The following DGKD variants were observed in gnomAD, a reference collection of about 807,000 sequenced individuals.
The protein encoded by DGKD is diacylglycerol kinase delta, also known as DAG kinase delta.
DGKD carries 68 observed loss-of-function variants against 154.4 expected under a neutral mutation model. The ratio of observed to expected loss-of-function variants is 0.44; its 90% CI spans 0.36 to 0.54. The LOEUF (loss-of-function observed/expected upper bound fraction) is 0.54. Among genes scored for constraint, DGKD ranks in the 20% least tolerant of loss-of-function variants. The pLI is 0.00. For missense variants in DGKD, 1,343 were observed against 1,593.6 expected (o/e 0.84, Z 2.68); for synonymous variants, 693 against 638.0 (o/e 1.09, Z -1.30).
intron 26 of DGKD, 39 bp from the exon 27 acceptor site, chr2:233,464,125 C>T: frequency 6.2e-7 from 1 of 1,612,678 alleles, no homozygotes; most frequent in South Asian, 1.1e-5. Context: ...CAGCAGTGCA[C>T]ACTCTCCATT....
At chr2:233,408,523 C>T (rs1349174577) in intron 3 of DGKD, among the ~76,000 whole-genome samples, 1 of 152,210 alleles carries the variant, frequency 6.6e-6, no homozygotes, top group Non-Finnish European at 1.5e-5. Context: ...CCCCTGGGCT[C>T]ACTTCTGCAA....
intron 3 of DGKD, among the ~76,000 whole-genome samples, chr2:233,408,000 A>C (rs570639798): frequency 5.2e-4 from 79 of 152,050 alleles, no homozygotes; most frequent in African/African-American, 1.9e-3. Flanking sequence ...TTTCTGGGCA[A>C]AATTCCTAAG....
chr2:233,359,175 C>T (rs1190127731), intron 1 of DGKD, among the ~76,000 whole-genome samples: 3 of 152,210 alleles, frequency 2.0e-5, no homozygotes, highest in South Asian at 4.1e-4. Flanking sequence ...ACTTCAGACC[C>T]TGCGCTTCTA....
intron 1 of DGKD, among the ~76,000 whole-genome samples, chr2:233,382,931 C>T (rs1489017538): frequency 1.3e-5 from 2 of 152,144 alleles, no homozygotes; most frequent in Non-Finnish European, 2.9e-5. Flanking sequence ...GGCTTAGTCT[C>T]CATTTGACTT....
chr2:233,459,615 C>A lies in DGKD; in HGVS notation c.2695-142C>A, dbSNP rs2063559797. ...AGCAGAAGGCTAGCTGCAGGCGGAG[C>A]GCCATCCCAGAGGCAGAGGTGGGGT... On this transcript the variant is annotated intron_variant, in intron 22 of 29. Coordinates refer to ENST00000264057, the MANE Select transcript of DGKD (RefSeq NM_152879.3). This position sits in a 1 kb window ranked among gnomAD's most constrained non-coding sequence, Gnocchi z 5.7. The A allele has an allele frequency of 3.6e-6, 4 of 1,108,548 alleles. No homozygotes were observed. The highest frequency in any genetic ancestry group is 1.6e-5 in the African/African-American group (1 of 63,962). 68.7% of individuals were successfully genotyped at this position (1,108,548 alleles called of 1,614,324 possible).
chr2:233,422,054 A>G (rs1327147853), intron 3 of DGKD, among the ~76,000 whole-genome samples: 2 of 152,182 alleles, frequency 1.3e-5, no homozygotes, highest in African/African-American at 2.4e-5. Flanking sequence ...CTAAGTGTGT[A>G]GTAGGACCCC....
In DGKD at chr2:233,460,144, C is replaced by T. The variant is rs1490226329; in HGVS notation, c.2830-50C>T. 2.5e-6 allele frequency: 4 copies of T among 1,599,550 alleles called. No individual in the cohort carries two copies. In the South Asian group the frequency reaches 3.3e-5, roughly 13 times the overall value. On this transcript the variant is annotated intron_variant, in intron 23 of 29. Transcript: ENST00000264057. The stretch of plus-strand genomic sequence containing the variant: ...GCATCCCCATAGTGTCTGTCGCAGT[C>T]AGATGCATGCTTCAGAGCAGCAGGT...
At chr2:233,380,943 G>A (rs1702869331) in intron 1 of DGKD, among the ~76,000 whole-genome samples, 1 of 152,120 alleles carries the variant, frequency 6.6e-6, no homozygotes. Flanking sequence ...TAATAATCCT[G>A]GTGGCAGTGC....
chr2:233,463,436 A>G lies in DGKD; in HGVS notation c.3186+701A>G, dbSNP rs1190140111. Among the ~76,000 whole-genome samples the G allele has an allele frequency of 2.6e-4, 31 of 117,852 alleles. 1 individual carries two copies. The highest frequency in any genetic ancestry group is 1.1e-3 in the African/African-American group (30 of 28,202). The allele number at this position is 117,852 out of a possible 152,430, so 77.3% of individuals were successfully genotyped here. On this transcript the variant is annotated intron_variant, in intron 26 of 29. Transcript: ENST00000264057. ...ATCTCCTCACTCCACGCATCTCCTC[A>G]CTCCACGCATCTCCTCACTCCACGC...
rs528742852 is a variant in DGKD, at chr2:233,429,303, G to T, written c.349-5077G>T. ...TAATCCCCGAGTTATGCACAGTAAG[G>T]TATATTATCTTTCTCTTACTATATT... On this transcript the variant is annotated intron_variant, in intron 3 of 29. Coordinates refer to ENST00000264057, the MANE Select transcript of DGKD (RefSeq NM_152879.3). 4.1e-6 allele frequency: 4 copies of T among 985,188 alleles called. No individual in the cohort carries two copies. In the South Asian group the frequency reaches 1.9e-4, roughly 46 times the overall value. The allele number at this position is 985,188 out of a possible 1,614,324, so 61.0% of individuals were successfully genotyped here.
At chr2:233,468,992 C>T (rs2063917150) in intron 29 of DGKD, among the ~76,000 whole-genome samples, 1 of 152,196 alleles carries the variant, frequency 6.6e-6, no homozygotes, top group Non-Finnish European at 1.5e-5. Context: ...ATGCCCCTGC[C>T]CAGGTTGGCC....
intron 1 of DGKD, among the ~76,000 whole-genome samples, chr2:233,379,348 T>C (rs838712): frequency 1 from 152,254 of 152,262 alleles, 76,123 homozygotes; most frequent in Middle Eastern, 1. Context: ...TAAAAGGAGT[T>C]GGTTGTGTTT....
Position 233,440,301 on chromosome 2 carries a change from T to C in DGKD, c.1086-1586T>C, listed in dbSNP as rs939795283. On this transcript the variant is annotated intron_variant, in intron 9 of 29. Transcript: ENST00000264057. This position sits in a 1 kb window ranked among gnomAD's most constrained non-coding sequence, Gnocchi z 4.9. ...GGGCCTTACAGGTGTCAGTGTTCTGTGTGGAGCCTGGGCTTGGTGCCGCAT... is the reference window on the plus strand; with the variant it reads ...GGGCCTTACAGGTGTCAGTGTTCTGCGTGGAGCCTGGGCTTGGTGCCGCAT... Among the ~76,000 whole-genome samples, 1 of 152,102 alleles carries C rather than the reference T, an allele frequency of 6.6e-6. No homozygotes were observed. Among genetic ancestry groups the C allele is most frequent in the Non-Finnish European group, 1.5e-5 (1 of 68,012 alleles).
intron 3 of DGKD, among the ~76,000 whole-genome samples, chr2:233,391,574 C>T (rs536380613): frequency 4.6e-5 from 7 of 152,312 alleles, no homozygotes; most frequent in African/African-American, 1.7e-4. Context: ...ACTCTAATAA[C>T]AGCACTAGAA....
At chr2:233,462,887 T>C in intron 26 of DGKD, 152 bp downstream of exon 26, 2 of 695,222 alleles carry the variant, frequency 2.9e-6, no homozygotes, top group Non-Finnish European at 4.9e-6. Flanking sequence ...GTTGTGCGGC[T>C]GGTGCCCACC....
chr2:233,461,827 C>T (rs1161824917), intron 24 of DGKD, among the ~76,000 whole-genome samples: 1 of 152,264 alleles, frequency 6.6e-6, no homozygotes, highest in East Asian at 1.9e-4. Context: ...TGAGCCACAT[C>T]TCAGCCTCCC....
At chr2:233,396,885 T>C (rs536974795) in intron 3 of DGKD, among the ~76,000 whole-genome samples, 2 of 146,080 alleles carry the variant, frequency 1.4e-5, no homozygotes, top group Non-Finnish European at 3.0e-5. Flanking sequence ...GGGTGGCTGA[T>C]GGAGGCCAGA....
At chr2:233,370,301 C>T (rs1702244060) in intron 1 of DGKD, among the ~76,000 whole-genome samples, 1 of 152,160 alleles carries the variant, frequency 6.6e-6, no homozygotes, top group Non-Finnish European at 1.5e-5. Context: ...GCAATCTCTG[C>T]CTCCCAGGTT....
Position 233,354,525 on chromosome 2 carries a change from G to GCGGCGGCGGGCGCCCCTC in DGKD, c.10_27dup (p.Ala4_Pro9dup). The GCGGCGGCGGGCGCCCCTC allele has an allele frequency of 1.0e-6, 1 of 987,764 alleles. No individual in the cohort carries two copies. Among genetic ancestry groups the GCGGCGGCGGGCGCCCCTC allele is most frequent in the South Asian group, 4.3e-5 (1 of 23,424 alleles). 61.2% of individuals were successfully genotyped at this position (987,764 alleles called of 1,614,324 possible). A position where few individuals can be genotyped will look rare whatever the true frequency, so the allele number is the denominator to read the frequency against. ...CGCGCGCTGGCCCGGCAGCATGGCG[G>GCGGCGGCGGGCGCCCCTC]CGGCGGCGGGCGCCCCTCCGCCGGG... On this transcript the variant is annotated inframe_insertion, in exon 1 of 30. Coordinates refer to ENST00000264057, the MANE Select transcript of DGKD (RefSeq NM_152879.3). This position sits in a 1 kb window ranked among gnomAD's most constrained non-coding sequence, Gnocchi z 4.8.
Sources: allele counts gnomAD v4.1 joint callset (sites outside exome capture counted in the v4.1 genomes callset), GRCh38; gene constraint gnomAD v4.1.1; non-coding constraint Gnocchi (gnomAD v3.1); transcripts MANE v1.5; gene names NCBI Gene and HGNC (gene_info 2026-07-23, HGNC 2026-07-21).